The following ADAMTS3 variants were observed in gnomAD, a reference collection of about 807,000 sequenced individuals.
ADAMTS3 encodes the protein A disintegrin and metalloproteinase with thrombospondin motifs 3.
ADAMTS3 carries 73 observed loss-of-function variants against 129.0 expected under a neutral mutation model. The observed-to-expected ratio is 0.57, with a 90% confidence interval of 0.47 to 0.69. The LOEUF is 0.69. Among genes scored for constraint, ADAMTS3 ranks in the 30% least tolerant of loss-of-function variants. The probability of loss-of-function intolerance (pLI) is 0.00; values close to 1 mark genes in which losing one functional copy is unlikely to be tolerated. For synonymous variants in ADAMTS3, 477 were observed against 510.8 expected (o/e 0.93, Z 0.89); for missense variants, 1,457 against 1,514.5 (o/e 0.96, Z 0.63).
intron 2 of ADAMTS3, 148 bp from the exon 3 acceptor site, chr4:72,549,032 T>G (rs1721544014): frequency 1.5e-6 from 1 of 664,574 alleles, no homozygotes; most frequent in African/African-American, 1.8e-5. Context: ...ATATTAAATT[T>G]TGAGAACAAA....
chr4:72,555,027 A>G (rs1721728453), intron 2 of ADAMTS3, among the ~76,000 whole-genome samples: 1 of 151,798 alleles, frequency 6.6e-6, no homozygotes, highest in South Asian at 2.1e-4. Context: ...AATGCTGGCA[A>G]TTAATGTCAC....
intron 17 of ADAMTS3, among the ~76,000 whole-genome samples, chr4:72,301,272 C>T (rs896074076): frequency 6.6e-6 from 1 of 151,664 alleles, no homozygotes; most frequent in Non-Finnish European, 1.5e-5. Context: ...CAAAAGAAAA[C>T]ATTAAAAAAT....
At chr4:72,556,091 G>A (rs1391245736) in intron 2 of ADAMTS3, among the ~76,000 whole-genome samples, 2 of 151,744 alleles carry the variant, frequency 1.3e-5, no homozygotes, top group African/African-American at 2.4e-5. Flanking sequence ...AGCAGTGTGA[G>A]AACAGACTAA....
intron 5 of ADAMTS3, among the ~76,000 whole-genome samples, chr4:72,333,955 A>G (rs1578590851): frequency 7.3e-6 from 1 of 136,378 alleles, no homozygotes; most frequent in African/African-American, 2.7e-5. Flanking sequence ...GTTTACTTAC[A>G]CCATTGTCCT....
At chr4:72,534,432 G>A (rs1356790694) in intron 3 of ADAMTS3, among the ~76,000 whole-genome samples, 1 of 152,146 alleles carries the variant, frequency 6.6e-6, no homozygotes, top group Non-Finnish European at 1.5e-5. Flanking sequence ...AGGGACCAGT[G>A]GAAGCAATAA....
In ADAMTS3 at chr4:72,548,857, T is replaced by A. The variant is rs1207289511; in HGVS notation, c.125A>T (p.Tyr42Phe). 6.2e-7 allele frequency: 1 copy of A among 1,612,922 alleles called. No homozygotes were observed. Among genetic ancestry groups the A allele is most frequent in the Admixed American group, 1.7e-5 (1 of 59,968 alleles). The change falls in exon 3 of 22, where the codon TAT (tyrosine) becomes TTT (phenylalanine). Residue 42 changes from tyrosine to phenylalanine, a missense_variant. Coordinates refer to ENST00000286657, the MANE Select transcript of ADAMTS3 (RefSeq NM_014243.3). ...TGTGCTGACTGGAGTCACCAGCTCA[T>A]ACTCTCTATATCTCTTTATTGGTAA... ...IDLPIKRYRE[Y>F]ELVTPVSTNL...
intron 18 of ADAMTS3, 65 bp downstream of exon 18, chr4:72,298,212 G>C (rs1718858272): frequency 7.2e-7 from 1 of 1,386,900 alleles, no homozygotes; most frequent in South Asian, 1.5e-5. Context: ...CAGCAATAAA[G>C]GTAGAAGCAA....
At chr4:72,455,889 T>A (rs1489992150) in intron 3 of ADAMTS3, among the ~76,000 whole-genome samples, 3 of 120,920 alleles carry the variant, frequency 2.5e-5, no homozygotes, top group African/African-American at 9.1e-5. Flanking sequence ...CTATATATAT[T>A]TTATATATAG....
At chr4:72,302,236 C>T (rs114774202) in intron 17 of ADAMTS3, among the ~76,000 whole-genome samples, 2,442 of 151,160 alleles carry the variant, frequency 0.016, 59 homozygotes, top group African/African-American at 0.054. Flanking sequence ...TGTGAAGACC[C>T]AGAACTTAAA....
At chr4:72,499,418 C>T (rs1578736765) in intron 3 of ADAMTS3, among the ~76,000 whole-genome samples, 1 of 152,020 alleles carries the variant, frequency 6.6e-6, no homozygotes, top group South Asian at 2.1e-4. Flanking sequence ...TACAGGTGGA[C>T]AAGATTATTT....
chr4:72,449,938 G>T (rs1335191697), intron 3 of ADAMTS3, among the ~76,000 whole-genome samples: 1 of 151,532 alleles, frequency 6.6e-6, no homozygotes, highest in Non-Finnish European at 1.5e-5. Flanking sequence ...TTCTTGTCAT[G>T]TAACACTAAA....
At chr4:72,389,101 C>T (rs1038807302) in intron 4 of ADAMTS3, among the ~76,000 whole-genome samples, 1 of 152,118 alleles carries the variant, frequency 6.6e-6, no homozygotes, top group Non-Finnish European at 1.5e-5. Flanking sequence ...ACAGTTTTGG[C>T]ACAGCAAGCC....
intron 3 of ADAMTS3, among the ~76,000 whole-genome samples, chr4:72,519,283 T>C (rs1371386570): frequency 6.6e-6 from 1 of 152,218 alleles, no homozygotes; most frequent in Non-Finnish European, 1.5e-5. Flanking sequence ...TTTTCCTTCA[T>C]TTCAACTTTG....
Position 72,397,562 on chromosome 4 carries a change from T to TACACACACACAC in ADAMTS3, c.661+17241_661+17252dup, listed in dbSNP as rs35076637. Among the ~76,000 whole-genome samples, 1,074 of 147,578 alleles carry TACACACACACAC rather than the reference T, an allele frequency of 7.3e-3. 16 individuals are homozygous for TACACACACACAC. Among genetic ancestry groups the TACACACACACAC allele is most frequent in the African/African-American group, 0.023 (927 of 40,188 alleles). On this transcript the variant is annotated intron_variant, in intron 4 of 21. Coordinates refer to ENST00000286657, the MANE Select transcript of ADAMTS3 (RefSeq NM_014243.3). Reference sequence around the variant, plus strand: ...CCTGGGCGACAGGGTGAGACTCTATTACACACACACACACACACACACACA... The same window carrying TACACACACACAC: ...CCTGGGCGACAGGGTGAGACTCTATTACACACACACACACACACACACACACACACACACACA...
At chr4:72,528,981 C>A (rs556839390) in intron 3 of ADAMTS3, among the ~76,000 whole-genome samples, 1 of 152,076 alleles carries the variant, frequency 6.6e-6, no homozygotes, top group African/African-American at 2.4e-5. Flanking sequence ...AAGAGAATAT[C>A]AAAAGCACCA....
intron 3 of ADAMTS3, among the ~76,000 whole-genome samples, chr4:72,489,940 A>G (rs779409887): frequency 6.6e-6 from 1 of 151,880 alleles, no homozygotes; most frequent in Non-Finnish European, 1.5e-5. Context: ...AGGAGCCTCC[A>G]TACTGTTTTT....
At chr4:72,322,290 A>G (rs1719576120) in intron 6 of ADAMTS3, among the ~76,000 whole-genome samples, 1 of 152,230 alleles carries the variant, frequency 6.6e-6, no homozygotes, top group Non-Finnish European at 1.5e-5. Flanking sequence ...CTAAATGTAC[A>G]ACTTCGTTAA....
At chr4:72,463,935 CT>C (rs1718850918) in intron 3 of ADAMTS3, among the ~76,000 whole-genome samples, 1 of 151,946 alleles carries the variant, frequency 6.6e-6, no homozygotes, top group South Asian at 2.1e-4. Context: ...CACAGCCAGC[CT>C]GCCAAGACAA....
chr4:72,554,333 T>A (rs540393424), intron 2 of ADAMTS3, among the ~76,000 whole-genome samples: 1 of 152,200 alleles, frequency 6.6e-6, no homozygotes, highest in Non-Finnish European at 1.5e-5. Context: ...CAAACTTTAA[T>A]CATTATGCCT....
Sources: gnomAD v4.1 joint callset for allele counts (sites outside exome capture counted in the v4.1 genomes callset) on GRCh38, gnomAD v4.1.1 for gene constraint, MANE v1.5 for transcripts, NCBI Gene and HGNC (gene_info 2026-07-23, HGNC 2026-07-21) for gene names.